The following CCDC88A variants were observed in gnomAD, a reference collection of about 807,000 sequenced individuals.
CCDC88A encodes girdin.
A neutral mutation model predicts 234.3 loss-of-function variants in CCDC88A; 54 were observed. The ratio of observed to expected loss-of-function variants is 0.23; its 90% CI spans 0.19 to 0.29. The LOEUF (loss-of-function observed/expected upper bound fraction) is 0.29. CCDC88A is among the 10% of genes least tolerant of loss of function. The pLI, the probability that CCDC88A is intolerant of heterozygous loss-of-function variation, is 1.00. For synonymous variants in CCDC88A, 753 were observed against 737.8 expected (o/e 1.02, Z -0.33); for missense variants, 1,832 against 2,123.4 (o/e 0.86, Z 2.70).
intron 26 of CCDC88A, 179 bp downstream of exon 26, chr2:55,302,890 T>A (rs544833474): frequency 2.3e-4 from 120 of 533,130 alleles, no homozygotes; most frequent in Non-Finnish European, 3.6e-4. Flanking sequence ...AGTGGACATA[T>A]ACATAATGCA....
intron 23 of CCDC88A, among the ~76,000 whole-genome samples, chr2:55,311,561 A>C (rs6746983): frequency 0.085 from 12,965 of 152,258 alleles, 1,289 homozygotes; most frequent in African/African-American, 0.24. Flanking sequence ...TAATGATCAA[A>C]GAAATGACTA....
At chr2:55,319,896 T>TA (rs1335387504) in intron 18 of CCDC88A, among the ~76,000 whole-genome samples, 1 of 152,162 alleles carries the variant, frequency 6.6e-6, no homozygotes, top group African/African-American at 2.4e-5. Flanking sequence ...TACCCTGCAG[T>TA]ATGCATAAAA....
intron 25 of CCDC88A, among the ~76,000 whole-genome samples, chr2:55,303,453 C>G (rs1681142109): frequency 6.8e-6 from 1 of 147,140 alleles, no homozygotes; most frequent in South Asian, 2.1e-4. Flanking sequence ...AGTGCAATGG[C>G]ACGATCTCGG....
At position 55,328,417 on chromosome 2, in the gene CCDC88A, T is replaced by C; in HGVS notation, c.2874A>G (p.Glu958=). The C allele has an allele frequency of 6.4e-7, 1 of 1,573,428 alleles. No individual in the cohort carries two copies. Among genetic ancestry groups the C allele is most frequent in the Non-Finnish European group, 8.6e-7 (1 of 1,159,048 alleles). Residue 958 remains glutamate, a synonymous_variant, in exon 17 of 33, where the codon GAA becomes GAG. Transcript: ENST00000436346. The surrounding 1 kb of genome is among the most constrained non-coding windows in gnomAD (Gnocchi z 4.3). ...TCTTAAGAGTGGATTCTAATTTTGATTCCAAAAGTTTATACCTACTATCCA... is the reference window on the plus strand; with the variant it reads ...TCTTAAGAGTGGATTCTAATTTTGACTCCAAAAGTTTATACCTACTATCCA... ...STDDSRYKLL[E]SKLESTLKKS...
At chr2:55,349,154 C>A in intron 9 of CCDC88A, 1 of 177,104 alleles carries the variant, frequency 5.6e-6, no homozygotes, top group Non-Finnish European at 1.2e-5. Context: ...TATGAGTTAG[C>A]ATAAAGCACT....
chr2:55,325,066 A>G (rs773810894), intron 17 of CCDC88A, among the ~76,000 whole-genome samples: 5 of 152,220 alleles, frequency 3.3e-5, no homozygotes, highest in Non-Finnish European at 5.9e-5. Context: ...TATTTGATCA[A>G]TATTTCCATA....
chr2:55,384,650 CAT>C (rs200509165), intron 3 of CCDC88A, among the ~76,000 whole-genome samples: 56 of 4,256 alleles, frequency 0.013, 16 homozygotes, highest in African/African-American at 0.061. Context: ...TGTATATATA[CAT>C]ATATATATAT....
At chr2:55,339,249 G>A (rs1245679160) in intron 13 of CCDC88A, 9 of 467,896 alleles carry the variant, frequency 1.9e-5, no homozygotes, top group Admixed American at 4.1e-5. Flanking sequence ...GTGAGCCCCC[G>A]CACCTGGCCA....
In CCDC88A at chr2:55,358,608, C is replaced by G. The variant is rs148495701; in HGVS notation, c.628-2857G>C. ...TGCTATCATTACTTCCAGTAAATGA[C>G]CTCTCCTCCAATTTGCCAAAGAAAC... On this transcript the variant is annotated intron_variant, in intron 7 of 32. Coordinates refer to ENST00000436346, the MANE Select transcript of CCDC88A (RefSeq NM_001365480.1). Among the ~76,000 whole-genome samples, 336 of 152,244 alleles carry G rather than the reference C, an allele frequency of 2.2e-3. 2 individuals are homozygous for G. Among genetic ancestry groups the G allele is most frequent in the Non-Finnish European group, 4.0e-3 (270 of 67,988 alleles).
intron 6 of CCDC88A, 151 bp from the exon 7 acceptor site, chr2:55,362,599 T>TA (rs557364708): frequency 3.3e-4 from 180 of 539,186 alleles, no homozygotes; most frequent in African/African-American, 3.3e-3. Flanking sequence ...TTTGAAATGA[T>TA]AAAAACACTA....
intron 8 of CCDC88A, among the ~76,000 whole-genome samples, chr2:55,352,584 T>A (rs1177636203): frequency 2.0e-5 from 3 of 152,188 alleles, no homozygotes; most frequent in Non-Finnish European, 4.4e-5. Flanking sequence ...AGTCTTTTAT[T>A]TTTTTGAAAA....
At chr2:55,384,855 C>G (rs1675333764) in intron 3 of CCDC88A, among the ~76,000 whole-genome samples, 2 of 151,680 alleles carry the variant, frequency 1.3e-5, no homozygotes, top group South Asian at 4.2e-4. Context: ...CAGGGTTTCA[C>G]CACGTTGGCC....
rs1048804956 is a variant in CCDC88A, at chr2:55,317,972, A to G, written c.3325-131T>C. The G allele has an allele frequency of 3.1e-6, 2 of 653,046 alleles. No homozygotes were observed. Among genetic ancestry groups the G allele is most frequent in the Non-Finnish European group, 5.0e-6 (2 of 402,880 alleles). 40.5% of individuals were successfully genotyped at this position (653,046 alleles called of 1,614,324 possible). A position where few individuals can be genotyped will look rare whatever the true frequency, so the allele number is the denominator to read the frequency against. ...CACACATATTTACATTATACTGGGA[A>G]GACGTGGATTTTAGCTTCCCAAAGA... On this transcript the variant is annotated intron_variant, in intron 19 of 32. Coordinates refer to ENST00000436346, the MANE Select transcript of CCDC88A (RefSeq NM_001365480.1). The surrounding 1 kb of genome is among the most constrained non-coding windows in gnomAD (Gnocchi z 4.2).
chr2:55,410,718 T>TAAAAAA (rs1553440256), intron 2 of CCDC88A, among the ~76,000 whole-genome samples: 2 of 151,788 alleles, frequency 1.3e-5, no homozygotes, highest in Non-Finnish European at 2.9e-5. Context: ...ACTCTGCCTT[T>TAAAAAA]ACAAAAAACA....
chr2:55,384,366 T>C (rs1675107088), intron 3 of CCDC88A, among the ~76,000 whole-genome samples: 1 of 149,846 alleles, frequency 6.7e-6, no homozygotes, highest in East Asian at 1.9e-4. Context: ...ATTCAGGTGA[T>C]AACAGTGCTA....
At chr2:55,294,679 A>C in intron 31 of CCDC88A, 2 of 991,612 alleles carry the variant, frequency 2.0e-6, no homozygotes, top group Non-Finnish European at 2.4e-6. Flanking sequence ...GGAAATGAAC[A>C]TTTTTTTCCA....
chr2:55,381,716 C>G (rs1252984453), intron 3 of CCDC88A, among the ~76,000 whole-genome samples: 2 of 152,062 alleles, frequency 1.3e-5, no homozygotes, highest in East Asian at 3.8e-4. Context: ...TTTAAATTAG[C>G]CTTTCCTTCT....
chr2:55,378,016 G>C (rs1673988563), intron 3 of CCDC88A, among the ~76,000 whole-genome samples: 1 of 152,142 alleles, frequency 6.6e-6, no homozygotes. Flanking sequence ...AGTCAAAATT[G>C]ATGGATCAAC....
intron 2 of CCDC88A, chr2:55,418,588 T>C (rs1311470824): frequency 7.1e-6 from 4 of 564,038 alleles, no homozygotes; most frequent in East Asian, 2.8e-5. Flanking sequence ...CAATACATGG[T>C]TGACAGAATG....
Sources: gnomAD v4.1 joint callset for allele counts (sites outside exome capture counted in the v4.1 genomes callset) on GRCh38, gnomAD v4.1.1 for gene constraint, Gnocchi (gnomAD v3.1) non-coding constraint, MANE v1.5 for transcripts, NCBI Gene and HGNC (gene_info 2026-07-23, HGNC 2026-07-21) for gene names.